The following ZPBP variants were observed in gnomAD, a reference collection of about 807,000 sequenced individuals.
ZPBP encodes the protein zona pellucida-binding protein 1.
Under a neutral mutation model 44.8 loss-of-function variants are expected in ZPBP, and 26 were observed. The ratio of observed to expected loss-of-function variants is 0.58; its 90% CI spans 0.43 to 0.81. ZPBP has a LOEUF of 0.81. Among genes scored for constraint, ZPBP ranks in the 30% least tolerant of loss-of-function variants. The pLI is 0.00. For missense variants in ZPBP, 409 were observed against 434.0 expected (o/e 0.94, Z 0.51); for synonymous variants, 174 against 153.2 (o/e 1.14, Z -1.00).
At chr7:49,986,306 T>G (rs558360619) in intron 6 of ZPBP, among the ~76,000 whole-genome samples, 66 of 152,290 alleles carry the variant, frequency 4.3e-4, no homozygotes, top group African/African-American at 1.6e-3. Flanking sequence ...GCATTTTCCT[T>G]CTTTTTTTCA....
At chr7:49,890,212 A>G (rs1792070912) in intron 2 of ZPBP, among the ~76,000 whole-genome samples, 1 of 152,232 alleles carries the variant, frequency 6.6e-6, no homozygotes, top group African/African-American at 2.4e-5. Flanking sequence ...AAGGTGATGT[A>G]CTATCCTAAT....
intron 2 of ZPBP, among the ~76,000 whole-genome samples, chr7:49,866,431 C>T (rs1790893351): frequency 6.6e-6 from 1 of 152,202 alleles, no homozygotes; most frequent in Non-Finnish European, 1.5e-5. Flanking sequence ...TGGTCTCAGG[C>T]TTGCGAGTGC....
intron 7 of ZPBP, chr7:49,943,819 A>G (rs1392366903): frequency 8.4e-6 from 2 of 239,028 alleles, no homozygotes; most frequent in Non-Finnish European, 1.6e-5. Context: ...AGCTCATCCT[A>G]TATTCCTTTG....
At chr7:49,932,459 T>C (rs193031358), downstream of ZPBP, among the ~76,000 whole-genome samples, 134 of 152,344 alleles carry the variant, frequency 8.8e-4, no homozygotes, top group African/African-American at 3.2e-3. Flanking sequence ...CTGCTGGATT[T>C]TGGACTTGCA....
At chr7:50,051,808 G>A (rs6957889) in intron 4 of ZPBP, among the ~76,000 whole-genome samples, 75,452 of 151,772 alleles carry the variant, frequency 0.5, 19,497 homozygotes, top group East Asian at 0.67. Context: ...GGGGCCTGTC[G>A]GTGGTGTGAG....
chr7:49,941,898 G>T (rs1213656260), intron 7 of ZPBP, among the ~76,000 whole-genome samples: 1 of 152,124 alleles, frequency 6.6e-6, no homozygotes, highest in African/African-American at 2.4e-5. Context: ...GTGTGGTGCT[G>T]CCAAAAAGAC....
At chr7:49,948,941 C>T (rs1422004539) in intron 7 of ZPBP, among the ~76,000 whole-genome samples, 2 of 152,180 alleles carry the variant, frequency 1.3e-5, no homozygotes, top group Middle Eastern at 3.4e-3. Context: ...GTTTGTGTCC[C>T]TCCAAATTGA....
intron 7 of ZPBP, among the ~76,000 whole-genome samples, chr7:49,958,720 T>C (rs1318461337): frequency 6.6e-6 from 1 of 152,214 alleles, no homozygotes; most frequent in Admixed American, 6.5e-5. Context: ...ACTAAGACAG[T>C]GCTTTATTAG....
chr7:50,028,781 G>C (rs933768630), intron 5 of ZPBP, among the ~76,000 whole-genome samples: 1 of 151,940 alleles, frequency 6.6e-6, no homozygotes, highest in African/African-American at 2.4e-5. Context: ...CATTTGTCAA[G>C]AGTTACAGGA....
At chr7:50,052,030 C>G (rs1445826628) in intron 4 of ZPBP, among the ~76,000 whole-genome samples, 2 of 152,128 alleles carry the variant, frequency 1.3e-5, no homozygotes, top group South Asian at 4.1e-4. Context: ...TCTTTGGGAT[C>G]TAGAACAAGG....
At chr7:49,895,975 G>A (rs2170787) in intron 2 of ZPBP, among the ~76,000 whole-genome samples, 116,371 of 152,040 alleles carry the variant, frequency 0.77, 44,716 homozygotes, top group East Asian at 0.89. Flanking sequence ...AGTCATGAGT[G>A]ATATATTTTC....
intron 3 of ZPBP, among the ~76,000 whole-genome samples, chr7:50,068,330 T>C (rs1178456895): frequency 6.6e-6 from 1 of 152,184 alleles, no homozygotes; most frequent in Non-Finnish European, 1.5e-5. Context: ...TGGACACTTT[T>C]AAAGCACATC....
chr7:50,052,792 C>T (rs1346401736), intron 4 of ZPBP, among the ~76,000 whole-genome samples: 1 of 151,768 alleles, frequency 6.6e-6, no homozygotes, highest in Non-Finnish European at 1.5e-5. Flanking sequence ...GTGATAGATG[C>T]ACAAAGCTTA....
intron 1 of ZPBP, 25 bp from the exon 2 acceptor site, chr7:50,089,734 T>G: frequency 6.4e-7 from 1 of 1,564,236 alleles, no homozygotes; most frequent in Non-Finnish European, 8.8e-7. Flanking sequence ...GATCAACAAT[T>G]TGTCTCATTA....
chr7:49,884,801 G>C (rs1042061902), intron 2 of ZPBP, among the ~76,000 whole-genome samples: 1 of 151,904 alleles, frequency 6.6e-6, no homozygotes, highest in Non-Finnish European at 1.5e-5. Flanking sequence ...GATTCCAAAG[G>C]AGAGAAAAAC....
At chr7:49,870,119 C>T (rs529052647) in intron 2 of ZPBP, among the ~76,000 whole-genome samples, 21 of 152,092 alleles carry the variant, frequency 1.4e-4, no homozygotes, top group Admixed American at 8.5e-4. Flanking sequence ...AAAACATTTT[C>T]GCTGGGTGCG....
chr7:50,081,108 G>A (rs952708423), intron 3 of ZPBP, among the ~76,000 whole-genome samples: 4 of 151,688 alleles, frequency 2.6e-5, no homozygotes, highest in Non-Finnish European at 5.9e-5. Flanking sequence ...TCTTTAGCAA[G>A]TCTTTGTATA....
At chr7:49,874,637 G>A (rs780184973) in intron 2 of ZPBP, among the ~76,000 whole-genome samples, 2 of 151,956 alleles carry the variant, frequency 1.3e-5, no homozygotes, top group Middle Eastern at 3.2e-3. Flanking sequence ...CAGGATTGGG[G>A]GTATTTATGT....
intron 7 of ZPBP, chr7:49,943,962 C>A (rs1182871707): frequency 6.3e-6 from 2 of 316,956 alleles, no homozygotes; most frequent in African/African-American, 2.3e-5. Flanking sequence ...GAAAAGACTG[C>A]ATATCACTTG....
Sources: gnomAD v4.1 joint callset for allele counts (sites outside exome capture counted in the v4.1 genomes callset) on GRCh38, gnomAD v4.1.1 for gene constraint, MANE v1.5 for transcripts, NCBI Gene and HGNC (gene_info 2026-07-23, HGNC 2026-07-21) for gene names.